The following TMTC2 variants were observed in gnomAD, a reference collection of about 807,000 sequenced individuals.
TMTC2 encodes the protein transmembrane O-mannosyltransferase targeting cadherins 2, also known as protein O-mannosyl-transferase TMTC2.
A neutral mutation model predicts 82.4 loss-of-function variants in TMTC2; 43 were observed. That is an observed-to-expected ratio of 0.52 (90% CI 0.41 to 0.67). The LOEUF (loss-of-function observed/expected upper bound fraction) is 0.67, where lower values mean the gene tolerates loss of function less well. Ranked by LOEUF, TMTC2 falls within the 30% of genes least tolerant of loss-of-function variation. The probability of loss-of-function intolerance (pLI) is 0.00; values close to 1 mark genes in which losing one functional copy is unlikely to be tolerated. For synonymous variants in TMTC2, 408 were observed against 381.9 expected, an observed-to-expected ratio of 1.07 and a Z score of -0.80; for missense variants, 919 against 1,012.4, an observed-to-expected ratio of 0.91 and a Z score of 1.25.
intron 3 of TMTC2, among the ~76,000 whole-genome samples, chr12:82,899,743 T>TATATATATATAAGAATATATATGTGGA (rs1555195585): frequency 0.048 from 6,276 of 129,962 alleles, 595 homozygotes; most frequent in African/African-American, 0.12. Context: ...ATATGTGGAA[T>TATATATATATAAGAATATATATGTGGA]ATATATATAT....
At chr12:83,010,874 A>G (rs1205168010) in intron 8 of TMTC2, among the ~76,000 whole-genome samples, 1 of 152,112 alleles carries the variant, frequency 6.6e-6, no homozygotes, top group African/African-American at 2.4e-5. Flanking sequence ...CACTCTTGTC[A>G]CCCAGGCTGG....
At chr12:83,052,981 T>C (rs1290798629) in intron 10 of TMTC2, among the ~76,000 whole-genome samples, 1 of 152,142 alleles carries the variant, frequency 6.6e-6, no homozygotes, top group Non-Finnish European at 1.5e-5. Flanking sequence ...TCTTCGTGAA[T>C]GTTTTTACTT....
chr12:82,803,760 C>T (rs906491484), intron 1 of TMTC2, among the ~76,000 whole-genome samples: 10 of 152,188 alleles, frequency 6.6e-5, no homozygotes, highest in Middle Eastern at 6.8e-3. Context: ...GTAAAAGGGA[C>T]GCAAGACACC....
chr12:82,789,452 G>A (rs1035981249), intron 1 of TMTC2, among the ~76,000 whole-genome samples: 1 of 152,092 alleles, frequency 6.6e-6, no homozygotes, highest in African/African-American at 2.4e-5. Context: ...TAATATTCCC[G>A]TGATGAATTA....
At chr12:82,753,996 T>A (rs1876161393) in intron 1 of TMTC2, among the ~76,000 whole-genome samples, 1 of 152,176 alleles carries the variant, frequency 6.6e-6, no homozygotes, top group Non-Finnish European at 1.5e-5. Context: ...AACAGTTAAA[T>A]CTGTGAAGGG....
intron 4 of TMTC2, among the ~76,000 whole-genome samples, chr12:82,957,286 T>C (rs1034088932): frequency 3.3e-5 from 5 of 152,150 alleles, no homozygotes; most frequent in Non-Finnish European, 7.4e-5. Context: ...TGAATGACTT[T>C]TGGGTAAACA....
intron 11 of TMTC2, among the ~76,000 whole-genome samples, chr12:83,075,447 A>G (rs1388036339): frequency 6.6e-6 from 1 of 152,124 alleles, no homozygotes; most frequent in East Asian, 1.9e-4. Flanking sequence ...TGTGAGGTAA[A>G]TTGACAGACA....
chr12:83,104,152 G>A (rs369622063), intron 11 of TMTC2, among the ~76,000 whole-genome samples: 1 of 152,220 alleles, frequency 6.6e-6, no homozygotes. Context: ...GGCTTTGCAG[G>A]GTTCAGCCCC....
intron 11 of TMTC2, among the ~76,000 whole-genome samples, chr12:83,104,869 T>C (rs920241437): frequency 3.3e-5 from 5 of 152,236 alleles, no homozygotes; most frequent in African/African-American, 1.2e-4. Flanking sequence ...GTCCAAACTT[T>C]TATGCTCTGC....
intron 1 of TMTC2, among the ~76,000 whole-genome samples, chr12:82,716,795 C>G (rs145175523): frequency 6.7e-4 from 102 of 152,246 alleles, no homozygotes; most frequent in African/African-American, 2.4e-3. Flanking sequence ...ACATCATTCA[C>G]TAATAGAAAA....
intron 9 of TMTC2, among the ~76,000 whole-genome samples, chr12:83,046,310 TTC>T (rs1882124685): frequency 6.6e-6 from 1 of 152,154 alleles, no homozygotes; most frequent in Non-Finnish European, 1.5e-5. Flanking sequence ...AAGACACTGA[TTC>T]TCAAAGTATG....
chr12:82,870,169 C>G (rs1303061472), intron 2 of TMTC2, among the ~76,000 whole-genome samples: 1 of 151,946 alleles, frequency 6.6e-6, no homozygotes, highest in African/African-American at 2.4e-5. Context: ...GTTAATAATT[C>G]CAAGCTTCCT....
At chr12:82,956,487 T>C (rs1877623523) in intron 4 of TMTC2, among the ~76,000 whole-genome samples, 1 of 152,124 alleles carries the variant, frequency 6.6e-6, no homozygotes, top group Non-Finnish European at 1.5e-5. Context: ...AGAGTCAATG[T>C]CACCCAGGCT....
At chr12:82,693,450 C>T (rs1021299899) in intron 1 of TMTC2, among the ~76,000 whole-genome samples, 5 of 152,076 alleles carry the variant, frequency 3.3e-5, no homozygotes, top group East Asian at 1.9e-4. Context: ...TCAGGACAGT[C>T]GTTTTTCTTG....
chr12:83,085,702 T>A (rs76931649), intron 11 of TMTC2, among the ~76,000 whole-genome samples: 8,299 of 152,262 alleles, frequency 0.055, 307 homozygotes, highest in Middle Eastern at 0.085. Context: ...ATAGGGTGAA[T>A]TTACTATCCA....
At chr12:82,938,806 A>T (rs1035790388) in intron 4 of TMTC2, among the ~76,000 whole-genome samples, 1 of 152,172 alleles carries the variant, frequency 6.6e-6, no homozygotes, top group African/African-American at 2.4e-5. Flanking sequence ...TTCAAATAAT[A>T]ATACTGAAGA....
intron 11 of TMTC2, among the ~76,000 whole-genome samples, chr12:83,111,667 G>A (rs574660640): frequency 5.1e-4 from 78 of 151,656 alleles, no homozygotes; most frequent in Non-Finnish European, 9.3e-4. Flanking sequence ...TCTTATCTAT[G>A]TCTTACAAAT....
intron 1 of TMTC2, among the ~76,000 whole-genome samples, chr12:82,696,964 G>GTGTATATATATATATA (rs374532592): frequency 0.013 from 1,781 of 141,452 alleles, 38 homozygotes; most frequent in African/African-American, 0.042. Flanking sequence ...ACATACATAC[G>GTGTATATATATATATA]TATATATATA....
intron 3 of TMTC2, among the ~76,000 whole-genome samples, chr12:82,897,407 C>G (rs1873739925): frequency 6.6e-6 from 1 of 152,106 alleles, no homozygotes; most frequent in Non-Finnish European, 1.5e-5. Flanking sequence ...ATGGATGACT[C>G]TAGTTTAGGC....
Sources: allele counts gnomAD v4.1 joint callset (sites outside exome capture counted in the v4.1 genomes callset), GRCh38; gene constraint gnomAD v4.1.1; transcripts MANE v1.5; gene names NCBI Gene and HGNC (gene_info 2026-07-23, HGNC 2026-07-21).